Variants in MME observed in about 807,000 individuals in gnomAD.
The protein encoded by MME is neprilysin.
A neutral mutation model predicts 113.2 loss-of-function variants in MME; 98 were observed. The ratio of observed to expected loss-of-function variants is 0.87; its 90% CI spans 0.74 to 1.02. MME has a LOEUF of 1.02. MME is among the 50% of genes least tolerant of loss of function. MME has a pLI of 0.00. For synonymous variants in MME, 292 were observed against 300.6 expected, an observed-to-expected ratio of 0.97 and a Z score of 0.30; for missense variants, 836 against 896.0, an observed-to-expected ratio of 0.93 and a Z score of 0.86.
At chr3:155,043,469 A>ATTAC (rs1713431224) in intron 1 of MME, among the ~76,000 whole-genome samples, 1 of 151,726 alleles carries the variant, frequency 6.6e-6, no homozygotes, top group African/African-American at 2.4e-5. Flanking sequence ...AGTAGCTGGG[A>ATTAC]TTACAGGCAT....
chr3:155,180,584 G>A lies in MME; in HGVS notation c.*125G>A. The stretch of plus-strand genomic sequence containing the variant: ...CTGACTTGAGGGTGATTAACAGAGA[G>A]GGCACCATCACAATACAGATAACAT... On this transcript the variant is annotated 3_prime_UTR_variant, in exon 23 of 23. Transcript: ENST00000360490. The A allele has an allele frequency of 1.3e-6, 1 of 761,162 alleles. No individual in the cohort carries two copies. Among genetic ancestry groups the A allele is most frequent in the East Asian group, 2.6e-5 (1 of 38,770 alleles). The allele number at this position is 761,162 out of a possible 1,614,324, so 47.2% of individuals were successfully genotyped here. A position where few individuals can be genotyped will look rare whatever the true frequency, so the allele number is the denominator to read the frequency against.
chr3:155,148,459 T>C, intron 15 of MME, 91 bp from the exon 16 acceptor site: 1 of 825,880 alleles, frequency 1.2e-6, no homozygotes, highest in Non-Finnish European at 2.0e-6. Context: ...CTTTATTGAC[T>C]GATATAATTT....
At chr3:155,062,362 T>C (rs1385021059) in intron 1 of MME, among the ~76,000 whole-genome samples, 2 of 152,230 alleles carry the variant, frequency 1.3e-5, no homozygotes, top group Non-Finnish European at 2.9e-5. Flanking sequence ...TTCAAAGCTT[T>C]AAAGGCTATC....
At chr3:155,159,394 A>G (rs931877078) in intron 16 of MME, among the ~76,000 whole-genome samples, 86 of 152,040 alleles carry the variant, frequency 5.7e-4, no homozygotes, top group African/African-American at 1.9e-3. Flanking sequence ...AAATGTATGC[A>G]TGTATGCTGA....
intron 3 of MME, among the ~76,000 whole-genome samples, chr3:155,097,940 G>A (rs979120301): frequency 2.0e-5 from 3 of 152,144 alleles, no homozygotes; most frequent in Non-Finnish European, 4.4e-5. Context: ...CAGCATCACC[G>A]ATAATGGCTT....
At chr3:155,104,481 G>C (rs1032602017) in intron 3 of MME, among the ~76,000 whole-genome samples, 1 of 152,220 alleles carries the variant, frequency 6.6e-6, no homozygotes, top group Admixed American at 6.5e-5. Context: ...CATTCGAGAA[G>C]CACTGTCGAC....
chr3:155,159,562 G>T (rs1722561565), intron 16 of MME, among the ~76,000 whole-genome samples: 1 of 151,978 alleles, frequency 6.6e-6, no homozygotes, highest in Non-Finnish European at 1.5e-5. Flanking sequence ...TCTGAGCAGA[G>T]AGACATGGGA....
chr3:155,147,287 TA>T, intron 15 of MME, 63 bp downstream of exon 15: 3 of 1,036,876 alleles, frequency 2.9e-6, no homozygotes, highest in Non-Finnish European at 4.6e-6. Context: ...GTGTCATTTT[TA>T]GCTATGGGGT....
chr3:155,157,057 G>A (rs868418483), intron 16 of MME, among the ~76,000 whole-genome samples: 1 of 151,902 alleles, frequency 6.6e-6, no homozygotes, highest in South Asian at 2.1e-4. Context: ...GAAACACCTG[G>A]TTCCTCTGTC....
Position 155,096,196 on chromosome 3 carries a change from A to G in MME, c.196+11102A>G, listed in dbSNP as rs554599707. 5.3e-5 allele frequency among the ~76,000 whole-genome samples: 8 copies of G among 152,324 alleles called. No homozygotes were observed. In the East Asian group the frequency reaches 1.5e-3, roughly 29 times the overall value. ...TGGGTTGCATTATCTCCCGAAGTCT[A>G]CAGAAAATGAATAAAATTAAAATGC... On this transcript the variant is annotated intron_variant, in intron 3 of 22. Transcript: ENST00000360490.
chr3:155,050,211 C>T (rs184035712), intron 1 of MME, among the ~76,000 whole-genome samples: 48 of 152,232 alleles, frequency 3.2e-4, no homozygotes, highest in African/African-American at 1.1e-3. Context: ...ATATATACCA[C>T]ATTTTCTTTA....
At chr3:155,084,567 T>C (rs1488606505) in intron 2 of MME, among the ~76,000 whole-genome samples, 3 of 152,362 alleles carry the variant, frequency 2.0e-5, no homozygotes, top group African/African-American at 7.2e-5. Flanking sequence ...CGCTTACTTA[T>C]GAGGAATCTA....
At position 155,183,253 on chromosome 3, in the gene MME, G is replaced by T. The variant is rs1487830641; in HGVS notation, c.*2794G>T. The T allele has an allele frequency of 6.6e-6, 1 of 152,178 alleles. No individual in the cohort carries two copies. Among genetic ancestry groups the T allele is most frequent in the African/African-American group, 2.4e-5 (1 of 41,424 alleles). 9.4% of individuals were successfully genotyped at this position (152,178 alleles called of 1,614,324 possible). On this transcript the variant is annotated 3_prime_UTR_variant, in exon 23 of 23. Coordinates refer to ENST00000360490, the MANE Select transcript of MME (RefSeq NM_007289.4). ...CCTGACAGGGTGACCTTGGGTATTT[G>T]CAATATTCCTTTGGGCCTCTGCTTC...
At chr3:155,111,436 C>G (rs1718178988) in intron 3 of MME, among the ~76,000 whole-genome samples, 1 of 152,196 alleles carries the variant, frequency 6.6e-6, no homozygotes, top group Admixed American at 6.5e-5. Flanking sequence ...GCAAAGTTGC[C>G]TCTTCCTCTC....
chr3:155,131,720 C>T (rs1409462321), intron 8 of MME, among the ~76,000 whole-genome samples: 2 of 152,142 alleles, frequency 1.3e-5, no homozygotes, highest in African/African-American at 2.4e-5. Flanking sequence ...CCACGTTCCT[C>T]CTGCTCTAGC....
chr3:155,116,497 A>G lies in MME; in HGVS notation c.377A>G (p.Lys126Arg). 1 of 1,612,228 alleles carries G rather than the reference A, an allele frequency of 6.2e-7. No homozygotes were observed. Among genetic ancestry groups the G allele is most frequent in the Non-Finnish European group, 8.5e-7 (1 of 1,178,578 alleles). ...VVLKDVLQEP[K>R]TEDIVAVQKA... Reference sequence around the variant, plus strand: ...ATTTCAGATGTCCTTCAAGAACCCAAAACTGAAGATATAGTAGCAGTGCAG... The same window carrying G: ...ATTTCAGATGTCCTTCAAGAACCCAGAACTGAAGATATAGTAGCAGTGCAG... Residue 126 changes from lysine to arginine, a missense_variant, in exon 5 of 23, where the codon AAA (lysine) becomes AGA (arginine). Physicochemically the swap from Lys to Arg is conservative, Grantham distance 26. Transcript: ENST00000360490.
chr3:155,049,271 C>T (rs1713671806), intron 1 of MME, among the ~76,000 whole-genome samples: 1 of 151,990 alleles, frequency 6.6e-6, no homozygotes, highest in Admixed American at 6.6e-5. Flanking sequence ...TTAGGATGCA[C>T]CCCATGTCCC....
At chr3:155,113,299 T>G (rs36097668) in intron 3 of MME, among the ~76,000 whole-genome samples, 9,797 of 152,214 alleles carry the variant, frequency 0.064, 396 homozygotes, top group East Asian at 0.17. Context: ...TTTTTATTTC[T>G]GAGATAGTCT....
At chr3:155,033,283 T>C (rs981843413) in intron 1 of MME, among the ~76,000 whole-genome samples, 1 of 152,218 alleles carries the variant, frequency 6.6e-6, no homozygotes, top group Non-Finnish European at 1.5e-5. Context: ...TATTTCATAA[T>C]AAACTGCTGT....
Sources: allele counts gnomAD v4.1 joint callset (sites outside exome capture counted in the v4.1 genomes callset), GRCh38; gene constraint gnomAD v4.1.1; transcripts MANE v1.5; gene names NCBI Gene and HGNC (gene_info 2026-07-23, HGNC 2026-07-21).